Variants in GULP1 observed in about 807,000 individuals in gnomAD.
GULP1 encodes the protein GULP PTB domain containing engulfment adaptor 1, also known as PTB domain-containing engulfment adapter protein 1.
GULP1 carries 19 observed loss-of-function variants against 40.9 expected under a neutral mutation model. The observed-to-expected ratio is 0.46, with a 90% confidence interval of 0.32 to 0.68. The LOEUF is 0.68. Ranked by LOEUF, GULP1 falls within the 30% of genes least tolerant of loss-of-function variation. GULP1 has a pLI of 0.03. For synonymous variants in GULP1, 119 were observed against 117.6 expected (o/e 1.01, Z -0.08); for missense variants, 312 against 362.2 (o/e 0.86, Z 1.12).
intron 2 of GULP1, among the ~76,000 whole-genome samples, chr2:188,387,960 A>G (rs1440275481): frequency 6.6e-6 from 1 of 151,878 alleles, no homozygotes; most frequent in Non-Finnish European, 1.5e-5. Context: ...TACATGTGCC[A>G]TGCTGGTGTG....
intron 2 of GULP1, among the ~76,000 whole-genome samples, chr2:188,389,952 C>A (rs2050288809): frequency 6.6e-6 from 1 of 151,764 alleles, no homozygotes; most frequent in African/African-American, 2.4e-5. Context: ...GACATTATTT[C>A]ATCCTTTTTT....
intron 1 of GULP1, among the ~76,000 whole-genome samples, chr2:188,342,327 T>C (rs559485238): frequency 6.6e-6 from 1 of 152,272 alleles, no homozygotes; most frequent in African/African-American, 2.4e-5. Flanking sequence ...GGCACATGGC[T>C]GCATGACTCT....
chr2:188,402,477 T>C (rs946946333), intron 2 of GULP1, among the ~76,000 whole-genome samples: 3 of 152,112 alleles, frequency 2.0e-5, no homozygotes, highest in African/African-American at 7.2e-5. Context: ...GTAATAGATA[T>C]ACTAGAATTA....
At chr2:188,528,199 A>T (rs1453282841) in intron 5 of GULP1, among the ~76,000 whole-genome samples, 2 of 152,124 alleles carry the variant, frequency 1.3e-5, no homozygotes, top group Non-Finnish European at 2.9e-5. Context: ...TTTAGTACAA[A>T]TATGTTCCAA....
At chr2:188,424,175 T>C (rs991133782) in intron 2 of GULP1, among the ~76,000 whole-genome samples, 2 of 151,934 alleles carry the variant, frequency 1.3e-5, no homozygotes, top group Non-Finnish European at 2.9e-5. Flanking sequence ...TAGTAACTAG[T>C]AACAAATGGA....
intron 9 of GULP1, among the ~76,000 whole-genome samples, chr2:188,573,622 C>G (rs1374272061): frequency 6.7e-6 from 1 of 150,226 alleles, no homozygotes; most frequent in Non-Finnish European, 1.5e-5. Flanking sequence ...GTTTATAACC[C>G]TGGAAATAGG....
intron 4 of GULP1, among the ~76,000 whole-genome samples, chr2:188,492,743 A>G (rs906096951): frequency 2.0e-4 from 30 of 152,082 alleles, no homozygotes; most frequent in Non-Finnish European, 3.7e-4. Flanking sequence ...GGTGTTACCA[A>G]ATTTTTTATA....
At chr2:188,533,786 A>G (rs1688181175) in intron 6 of GULP1, among the ~76,000 whole-genome samples, 1 of 152,212 alleles carries the variant, frequency 6.6e-6, no homozygotes, top group African/African-American at 2.4e-5. Context: ...TGAACAAGCA[A>G]AAAATAATAA....
intron 2 of GULP1, among the ~76,000 whole-genome samples, chr2:188,388,483 C>T (rs752565131): frequency 4.6e-5 from 7 of 151,754 alleles, no homozygotes; most frequent in Non-Finnish European, 8.8e-5. Flanking sequence ...GTGAAGGTCA[C>T]AGTGAGACGT....
At chr2:188,299,516 C>G (rs1354149128) in intron 1 of GULP1, among the ~76,000 whole-genome samples, 2 of 152,166 alleles carry the variant, frequency 1.3e-5, no homozygotes, top group Non-Finnish European at 2.9e-5. Context: ...GTCTTTCCCC[C>G]CTTCTCATTC....
intron 4 of GULP1, among the ~76,000 whole-genome samples, chr2:188,496,813 A>AC (rs1335430510): frequency 1.4e-4 from 21 of 151,840 alleles, no homozygotes; most frequent in African/African-American, 3.9e-4. Flanking sequence ...TCATGGTTTA[A>AC]CACCATCCGC....
At chr2:188,593,914 A>G (rs371661283) in intron 11 of GULP1, 26 bp from the exon 12 acceptor site, 13 of 1,260,356 alleles carry the variant, frequency 1.0e-5, no homozygotes, top group Non-Finnish European at 1.5e-5. Flanking sequence ...CATTTCAGAT[A>G]TTAATTATTT....
At chr2:188,435,291 T>G (rs936255571) in intron 2 of GULP1, among the ~76,000 whole-genome samples, 1 of 152,110 alleles carries the variant, frequency 6.6e-6, no homozygotes, top group Non-Finnish European at 1.5e-5. Context: ...CCTTTGCCCT[T>G]GCCAGTGAGT....
chr2:188,494,504 C>A (rs2062711990), intron 4 of GULP1, among the ~76,000 whole-genome samples: 1 of 151,896 alleles, frequency 6.6e-6, no homozygotes, highest in Non-Finnish European at 1.5e-5. Flanking sequence ...CTCTCAATGT[C>A]TATATTTATC....
At chr2:188,346,457 A>AT (rs902349343) in intron 1 of GULP1, among the ~76,000 whole-genome samples, 100 of 152,112 alleles carry the variant, frequency 6.6e-4, no homozygotes, top group Admixed American at 2.0e-3. Context: ...AGGTTTTTAG[A>AT]TTTTTTACAA....
chr2:188,522,874 T>C (rs765509059), intron 5 of GULP1, 47 bp downstream of exon 5: 7 of 1,169,566 alleles, frequency 6.0e-6, no homozygotes, highest in Non-Finnish European at 9.0e-6. Flanking sequence ...GACTCTGTCA[T>C]GTTTTCAGCA....
intron 4 of GULP1, among the ~76,000 whole-genome samples, chr2:188,506,278 G>A (rs2063903959): frequency 6.6e-6 from 1 of 151,670 alleles, no homozygotes; most frequent in South Asian, 2.1e-4. Flanking sequence ...GTTATAATGG[G>A]ACATTAAAAT....
chr2:188,403,884 A>G (rs747269982), intron 2 of GULP1, among the ~76,000 whole-genome samples: 1 of 152,170 alleles, frequency 6.6e-6, no homozygotes, highest in Non-Finnish European at 1.5e-5. Context: ...CAGCAAGGAT[A>G]TGAGTTTGGA....
At chr2:188,456,893 T>C (rs964201191) in intron 2 of GULP1, among the ~76,000 whole-genome samples, 1 of 152,182 alleles carries the variant, frequency 6.6e-6, no homozygotes, top group Non-Finnish European at 1.5e-5. Flanking sequence ...ACTGATTTGC[T>C]GGATCAGTAT....
Sources: gnomAD v4.1 joint callset for allele counts (sites outside exome capture counted in the v4.1 genomes callset) on GRCh38, gnomAD v4.1.1 for gene constraint, MANE v1.5 for transcripts, NCBI Gene and HGNC (gene_info 2026-07-23, HGNC 2026-07-21) for gene names.